EGR3: variants seen among roughly 807,000 people sequenced by gnomAD.
The protein encoded by EGR3 is early growth response 3, also known as early growth response protein 3.
A neutral mutation model predicts 22.4 loss-of-function variants in EGR3; 4 were observed. The ratio of observed to expected loss-of-function variants is 0.18; its 90% CI spans 0.09 to 0.41. EGR3 has a LOEUF of 0.41. Among genes scored for constraint, EGR3 ranks in the 10% least tolerant of loss-of-function variants. The pLI, the probability that EGR3 is intolerant of heterozygous loss-of-function variation, is 1.00. For missense variants in EGR3, 315 were observed against 541.3 expected, an observed-to-expected ratio of 0.58 and a Z score of 4.15; for synonymous variants, 219 against 226.8, an observed-to-expected ratio of 0.97 and a Z score of 0.31.
In EGR3 at chr8:22,692,221, G is replaced by A. The variant is rs1418843463; in HGVS notation, c.154+570C>T. On this transcript the variant is annotated intron_variant, in intron 1 of 1. Coordinates refer to ENST00000317216, the MANE Select transcript of EGR3 (RefSeq NM_004430.3). The surrounding 1 kb of genome is among the most constrained non-coding windows in gnomAD (Gnocchi z 6.2). ...TCCCCGTGGCAGGCCCTCGCCCCGC[G>A]GGTGAACCCCCTCCTTCTCCCCGCC... 1.4e-6 allele frequency: 2 copies of A among 1,428,030 alleles called. No individual in the cohort carries two copies. The highest frequency in any genetic ancestry group is 2.9e-5 in the East Asian group (1 of 34,516). The allele number at this position is 1,428,030 out of a possible 1,614,324, so 88.5% of individuals were successfully genotyped here. A position where few individuals can be genotyped will look rare whatever the true frequency, so the allele number is the denominator to read the frequency against.
Position 22,693,367 on chromosome 8 carries a change from ACCGCCGCCG to A in EGR3, c.-432_-424del, listed in dbSNP as rs955025085. The A allele has an allele frequency of 3.2e-3, 157 of 48,708 alleles. No individual in the cohort carries two copies. Among genetic ancestry groups the A allele is most frequent in the African/African-American group, 0.012 (125 of 10,604 alleles). The allele number at this position is 48,708 out of a possible 1,614,324, so 3.0% of individuals were successfully genotyped here. ...ATCTGCCACCGCCACCGCCACCGCC[ACCGCCGCCG>A]CCGCCGCCGCCGCCGCCGCCGCCTC... On this transcript the variant is annotated 5_prime_UTR_variant, in exon 1 of 2. Coordinates refer to ENST00000317216, the MANE Select transcript of EGR3 (RefSeq NM_004430.3).
rs1030562231 is a variant in EGR3, at chr8:22,692,566, G to A, written c.154+225C>T. The A allele has an allele frequency of 9.1e-6, 13 of 1,429,784 alleles. No homozygotes were observed. In the South Asian group the frequency reaches 1.9e-4, roughly 21 times the overall value. 88.6% of individuals were successfully genotyped at this position (1,429,784 alleles called of 1,614,324 possible). ...CCTCTACCGTGGCGTCGCCAACCTA[G>A]CCTTCTCGATCGAGGAGGGCGGGAG... is the stretch of plus-strand genomic sequence containing the variant. On this transcript the variant is annotated intron_variant, in intron 1 of 1. Coordinates refer to ENST00000317216, the MANE Select transcript of EGR3 (RefSeq NM_004430.3). This position sits in a 1 kb window ranked among gnomAD's most constrained non-coding sequence, Gnocchi z 6.2.
chr8:22,689,641 C>G lies in EGR3; in HGVS notation c.*832G>C. Reference sequence around the variant, plus strand: ...ATGGCTGCTCTTTCTCCCCACAGATCAAACTGCCCTGAGGCCTAAGAGGGA... The same window carrying G: ...ATGGCTGCTCTTTCTCCCCACAGATGAAACTGCCCTGAGGCCTAAGAGGGA... On this transcript the variant is annotated 3_prime_UTR_variant, in exon 2 of 2. Transcript: ENST00000317216. 6.5e-6 allele frequency: 1 copy of G among 152,720 alleles called. No homozygotes were observed. The allele number at this position is 152,720 out of a possible 1,614,324, so 9.5% of individuals were successfully genotyped here. A position where few individuals can be genotyped will look rare whatever the true frequency, so the allele number is the denominator to read the frequency against.
rs779641186 is a variant in EGR3, at chr8:22,691,084, T to G, written c.553A>C (p.Ser185Arg). ...TCAGGAATCATGGGGAAGAGATTGC[T>G]GTCCAACGCCGGCTTGGCCGATTGG... Reference protein sequence around the residue: ...DYQSAKPALDSNLFPMIPDYN... With the variant: ...DYQSAKPALDRNLFPMIPDYN... Residue 185 changes from serine (S) to arginine (R), a missense_variant, in exon 2 of 2, where the codon AGC (serine) becomes CGC (arginine). This residue lies in a region of EGR3 where 227 missense variants were observed against 303.6 expected (regional missense o/e 0.75). Coordinates refer to ENST00000317216, the MANE Select transcript of EGR3 (RefSeq NM_004430.3). 1 of 1,613,630 alleles carries G rather than the reference T, an allele frequency of 6.2e-7. No individual in the cohort carries two copies. Among genetic ancestry groups the G allele is most frequent in the Non-Finnish European group, 8.5e-7 (1 of 1,179,602 alleles).
chr8:22,692,734 C>T lies in EGR3; in HGVS notation c.154+57G>A. 1 of 1,601,600 alleles carries T rather than the reference C, an allele frequency of 6.2e-7. No homozygotes were observed. Among genetic ancestry groups the T allele is most frequent in the Non-Finnish European group, 8.5e-7 (1 of 1,175,014 alleles). On this transcript the variant is annotated intron_variant, in intron 1 of 1. Transcript: ENST00000317216. The surrounding 1 kb of genome is among the most constrained non-coding windows in gnomAD (Gnocchi z 6.2). ...CCATCCATCACCAGGTCGTCCCCTC[C>T]TCCTCTTCCTCTCCCCTTCCTTCCT...
chr8:22,692,676 C>CCCAA lies in EGR3; in HGVS notation c.154+114_154+115insTTGG, dbSNP rs1554474762. On this transcript the variant is annotated intron_variant, in intron 1 of 1. Transcript: ENST00000317216. The surrounding 1 kb of genome is among the most constrained non-coding windows in gnomAD (Gnocchi z 6.2). The stretch of plus-strand genomic sequence containing the variant: ...ATCCATTTATCTATCCACCCATCCA[C>CCCAA]CCATCCATCCATCCATCCATCCATC... 7.4e-7 allele frequency: 1 copy of CCCAA among 1,359,396 alleles called. No homozygotes were observed. The highest frequency in any genetic ancestry group is 1.4e-5 in the South Asian group (1 of 72,746). The allele number at this position is 1,359,396 out of a possible 1,614,324, so 84.2% of individuals were successfully genotyped here.
rs1040542533 is a variant in EGR3 at position 22,690,166 on chromosome 8, G to T, written c.*307C>A. The T allele has an allele frequency of 1.4e-5, 6 of 418,594 alleles. No individual in the cohort carries two copies. The Admixed American group carries it at 2.0e-4, about 14-fold the overall frequency. The allele number at this position is 418,594 out of a possible 1,614,324, so 25.9% of individuals were successfully genotyped here. A position where few individuals can be genotyped will look rare whatever the true frequency, so the allele number is the denominator to read the frequency against. On this transcript the variant is annotated 3_prime_UTR_variant, in exon 2 of 2. Coordinates refer to ENST00000317216, the MANE Select transcript of EGR3 (RefSeq NM_004430.3). ...CTTCAGTCCCTTGCAGGTCCTTGGC[G>T]CGGCCCGGCGGCCCCTGGATCAAGG...
Position 22,692,767 on chromosome 8 carries a change from T to C in EGR3, c.154+24A>G, listed in dbSNP as rs1804015120. ...CCTCTCCCCTTCCTTCCTCGCTGCC[T>C]CGCCGCCTCCCCGCCGCCCTTACCT... On this transcript the variant is annotated intron_variant, in intron 1 of 1. Coordinates refer to ENST00000317216, the MANE Select transcript of EGR3 (RefSeq NM_004430.3). The surrounding 1 kb of genome is among the most constrained non-coding windows in gnomAD (Gnocchi z 6.2). 2 of 1,609,974 alleles carry C rather than the reference T, an allele frequency of 1.2e-6. No individual in the cohort carries two copies. Among genetic ancestry groups the C allele is most frequent in the African/African-American group, 1.3e-5 (1 of 74,504 alleles).
rs1392084137 is a variant in EGR3, at chr8:22,692,991, C to G, written c.-47G>C. 1.3e-6 allele frequency: 2 copies of G among 1,572,710 alleles called. No homozygotes were observed. Among genetic ancestry groups the G allele is most frequent in the Non-Finnish European group, 1.7e-6 (2 of 1,162,360 alleles). ...CCGCCGCCACCGCCGCCACCGCCGC[C>G]GCTCGCTCCTAACGCAGCTTCCAGG... On this transcript the variant is annotated 5_prime_UTR_variant, in exon 1 of 2. Coordinates refer to ENST00000317216, the MANE Select transcript of EGR3 (RefSeq NM_004430.3). This position sits in a 1 kb window ranked among gnomAD's most constrained non-coding sequence, Gnocchi z 6.2.
chr8:22,692,824 C>G lies in EGR3; in HGVS notation c.121G>C (p.Asp41His), dbSNP rs1473386867. 6.2e-7 allele frequency: 1 copy of G among 1,613,576 alleles called. No homozygotes were observed. The highest frequency in any genetic ancestry group is 1.1e-5 in the South Asian group (1 of 91,056). Reference sequence around the variant, plus strand: ...ATCTGATTGTAATGGACTACCGAGTCGCTGCTGCCGGAGAAGAGGTTGAGC... The same window carrying G: ...ATCTGATTGTAATGGACTACCGAGTGGCTGCTGCCGGAGAAGAGGTTGAGC... Reference protein sequence around the residue: ...SALNLFSGSSDSVVHYNQMAT... With the variant: ...SALNLFSGSSHSVVHYNQMAT... The change falls in exon 1 of 2, where the codon GAC becomes CAC. Residue 41 changes from aspartate to histidine, a missense_variant. Transcript: ENST00000317216. This position sits in a 1 kb window ranked among gnomAD's most constrained non-coding sequence, Gnocchi z 6.2.
At position 22,692,435 on chromosome 8, in the gene EGR3, C is replaced by A; in HGVS notation, c.154+356G>T. 2 of 1,424,318 alleles carry A rather than the reference C, an allele frequency of 1.4e-6. No homozygotes were observed. The highest frequency in any genetic ancestry group is 1.8e-6 in the Non-Finnish European group (2 of 1,093,970). The allele number at this position is 1,424,318 out of a possible 1,614,324, so 88.2% of individuals were successfully genotyped here. A position where few individuals can be genotyped will look rare whatever the true frequency, so the allele number is the denominator to read the frequency against. ...AAGAGGGCGACAGCACCACGCCTTG[C>A]GCGTAGCCCGGCGATCGGGCCCCCT... On this transcript the variant is annotated intron_variant, in intron 1 of 1. Transcript: ENST00000317216. This position sits in a 1 kb window ranked among gnomAD's most constrained non-coding sequence, Gnocchi z 6.2.
chr8:22,691,932 C>T (rs988243079), intron 1 of EGR3: 1 of 1,232,238 alleles, frequency 8.1e-7, no homozygotes, highest in Non-Finnish European at 1.0e-6. Context: ...CCCGGCGATG[C>T]CCCCCACGCG....
chr8:22,690,623 G>A lies in EGR3; in HGVS notation c.1014C>T (p.Cys338=), dbSNP rs34545192. ...CGTCGCTGCGCGCAAACTTGCGCCC[G>A]CAGAACTCGCAGGCAAAGGGCTTCT... ...TGEKPFACEF[C]GRKFARSDER... is the part of the protein sequence containing the mutation. The change falls in exon 2 of 2, where the codon TGC becomes TGT. Residue 338 remains cysteine, a synonymous_variant. Transcript: ENST00000317216. The A allele has an allele frequency of 1.7e-3, 2,805 of 1,614,000 alleles. 40 individuals are homozygous for A. In the African/African-American group the frequency reaches 0.03, roughly 17 times the overall value.
intron 1 of EGR3, 166 bp from the exon 2 acceptor site, chr8:22,691,648 C>G (rs569811789): frequency 1.0e-6 from 1 of 972,664 alleles, no homozygotes; most frequent in Admixed American, 6.1e-5. Context: ...GTGCCGCGCT[C>G]CCGGGCGCAA....
At position 22,693,111 on chromosome 8, in the gene EGR3, G is replaced by A. The variant is rs1306406333; in HGVS notation, c.-167C>T. On this transcript the variant is annotated 5_prime_UTR_variant, in exon 1 of 2. Coordinates refer to ENST00000317216, the MANE Select transcript of EGR3 (RefSeq NM_004430.3). ...GGGGAGGGAAGAAGGGAAGGGATGG[G>A]CCAGGAGAGGGGATCTTCTCTTTTT... is the stretch of plus-strand genomic sequence containing the variant. 2 of 407,042 alleles carry A rather than the reference G, an allele frequency of 4.9e-6. No individual in the cohort carries two copies. The highest frequency in any genetic ancestry group is 7.2e-5 in the Admixed American group (2 of 27,694). The allele number at this position is 407,042 out of a possible 1,614,324, so 25.2% of individuals were successfully genotyped here.
In EGR3 at chr8:22,690,815, G is replaced by A. The variant is rs1395909866; in HGVS notation, c.822C>T (p.Pro274=). The stretch of plus-strand genomic sequence containing the variant: ...CGCAGCCCTCGGCCGGGCACGCGTG[G>A]GGCCGTTCGTGGAGCGGTGTCTTGC... ...RPSKTPLHER[P]HACPAEGCDR... The change falls in exon 2 of 2, where the codon CCC becomes CCT. Residue 274 remains proline, a synonymous_variant. Coordinates refer to ENST00000317216, the MANE Select transcript of EGR3 (RefSeq NM_004430.3). 1 of 1,612,188 alleles carries A rather than the reference G, an allele frequency of 6.2e-7. No homozygotes were observed. The highest frequency in any genetic ancestry group is 1.1e-5 in the South Asian group (1 of 90,962).
At position 22,692,672 on chromosome 8, in the gene EGR3, TCCAC is replaced by T. The variant is rs1346474218; in HGVS notation, c.154+115_154+118del. 3.6e-4 allele frequency: 518 copies of T among 1,434,450 alleles called. 4 individuals carry two copies. The South Asian group carries it at 3.8e-3, about 10-fold the overall frequency. 88.9% of individuals were successfully genotyped at this position (1,434,450 alleles called of 1,614,324 possible). A position where few individuals can be genotyped will look rare whatever the true frequency, so the allele number is the denominator to read the frequency against. ...CTCCATCCATTTATCTATCCACCCA[TCCAC>T]CCATCCATCCATCCATCCATCCATC... On this transcript the variant is annotated intron_variant, in intron 1 of 1. Transcript: ENST00000317216. This position sits in a 1 kb window ranked among gnomAD's most constrained non-coding sequence, Gnocchi z 6.2.
At chr8:22,691,529 G>A (rs774938581) in intron 1 of EGR3, 47 bp from the exon 2 acceptor site, 21 of 1,592,754 alleles carry the variant, frequency 1.3e-5, no homozygotes, top group Non-Finnish European at 1.8e-5. Flanking sequence ...AAGCCGATCC[G>A]GCTCCGGGCC....
In EGR3 at chr8:22,692,525, C is replaced by A; in HGVS notation, c.154+266G>T. On this transcript the variant is annotated intron_variant, in intron 1 of 1. Transcript: ENST00000317216. The surrounding 1 kb of genome is among the most constrained non-coding windows in gnomAD (Gnocchi z 6.2). ...TCCCTCCGGTCGGCGGCTGCCCCCA[C>A]CCGGGAGAACCGAAGCCTCTACCGT... 7.0e-7 allele frequency: 1 copy of A among 1,424,620 alleles called. No homozygotes were observed. The highest frequency in any genetic ancestry group is 9.1e-7 in the Non-Finnish European group (1 of 1,093,500). 88.2% of individuals were successfully genotyped at this position (1,424,620 alleles called of 1,614,324 possible).
Sources: allele counts gnomAD v4.1 joint callset, GRCh38; gene constraint gnomAD v4.1.1; regional missense constraint gnomAD v4.1.1; non-coding constraint Gnocchi (gnomAD v3.1); transcripts MANE v1.5; gene names NCBI Gene and HGNC (gene_info 2026-07-23, HGNC 2026-07-21).